The following NF1 variants were observed in gnomAD, a reference collection of about 807,000 sequenced individuals.
NF1 encodes the protein neurofibromin 1.
A neutral mutation model predicts 325.7 loss-of-function variants in NF1; 122 were observed. The ratio of observed to expected loss-of-function variants is 0.37; its 90% confidence interval spans 0.32 to 0.44. The LOEUF is 0.44. Among genes scored for constraint, NF1 ranks in the 20% least tolerant of loss-of-function variants. NF1 has a pLI of 1.00. For synonymous variants in NF1, 1,091 were observed against 1,186.0 expected, an observed-to-expected ratio of 0.92 and a Z score of 1.65; for missense variants, 2,140 against 3,415.4, an observed-to-expected ratio of 0.63 and a Z score of 9.31.
intron 3 of NF1, among the ~76,000 whole-genome samples, chr17:31,161,037 A>G (rs1409850589): frequency 6.6e-6 from 1 of 152,104 alleles, no homozygotes; most frequent in Admixed American, 6.6e-5. Flanking sequence ...CTTGATTCTT[A>G]CTTTTAAATC....
intron 15 of NF1, 196 bp downstream of exon 15, chr17:31,222,125 A>C: frequency 7.7e-7 from 1 of 1,290,754 alleles, no homozygotes; most frequent in Non-Finnish European, 9.8e-7. Context: ...GCAATTTAGA[A>C]AATAAATTTT....
At chr17:31,173,202 G>A (rs2065961106) in intron 5 of NF1, among the ~76,000 whole-genome samples, 1 of 152,044 alleles carries the variant, frequency 6.6e-6, no homozygotes, top group African/African-American at 2.4e-5. Flanking sequence ...GGATCACGAG[G>A]TCAGGAGACC....
intron 1 of NF1, among the ~76,000 whole-genome samples, chr17:31,136,067 C>T (rs539263092): frequency 2.7e-4 from 41 of 152,126 alleles, no homozygotes; most frequent in Non-Finnish European, 4.6e-4. Context: ...CGGTGGCTCA[C>T]GCCTGTAATC....
At chr17:31,351,517 A>G (rs1036910898) in intron 50 of NF1, among the ~76,000 whole-genome samples, 2 of 152,142 alleles carry the variant, frequency 1.3e-5, no homozygotes, top group African/African-American at 4.8e-5. Context: ...CCTGGGTTCA[A>G]GCGATTCTCC....
At chr17:31,266,037 A>G (rs1228384354) in intron 36 of NF1, among the ~76,000 whole-genome samples, 1 of 152,132 alleles carries the variant, frequency 6.6e-6, no homozygotes, top group Admixed American at 6.5e-5. Context: ...CCCATTTACC[A>G]TGACATACAT....
chr17:31,348,739 GT>G, intron 48 of NF1, among the ~76,000 whole-genome samples: 1 of 140,470 alleles, frequency 7.1e-6, no homozygotes, highest in African/African-American at 2.5e-5. Context: ...AAAAAAAAAT[GT>G]TTTTGTAAAA....
At chr17:31,180,627 A>G (rs1597657072) in intron 5 of NF1, among the ~76,000 whole-genome samples, 1 of 152,236 alleles carries the variant, frequency 6.6e-6, no homozygotes, top group African/African-American at 2.4e-5. Context: ...TGACAAACCC[A>G]CAGCCAATAT....
At chr17:31,199,339 A>G (rs1391683753) in intron 8 of NF1, among the ~76,000 whole-genome samples, 1 of 152,002 alleles carries the variant, frequency 6.6e-6, no homozygotes, top group Non-Finnish European at 1.5e-5. Context: ...CCTTTGATCT[A>G]TTAGTTAACA....
rs73988049 is a variant in NF1 at position 31,372,222 on chromosome 17, A to G, written c.8378-1791A>G. On this transcript the variant is annotated intron_variant, in intron 57 of 57. Coordinates refer to ENST00000358273, the MANE Select transcript of NF1 (RefSeq NM_001042492.3). ...TAGTCCTTTGGCTTCTGACAGAGAT[A>G]AAATATTTTGGCAGATGTTTACCCA... 8.3e-4 allele frequency among the ~76,000 whole-genome samples: 126 copies of G among 152,312 alleles called. 1 individual carries two copies. Among genetic ancestry groups the G allele is most frequent in the African/African-American group, 3.0e-3 (126 of 41,564 alleles).
chr17:31,350,345 A>G, intron 50 of NF1, 27 bp downstream of exon 50: 1 of 1,600,214 alleles, frequency 6.2e-7, no homozygotes, highest in Non-Finnish European at 8.6e-7. Context: ...TCCTATAATT[A>G]CATAATCATA....
At chr17:31,227,048 G>A (rs376467130) in intron 18 of NF1, among the ~76,000 whole-genome samples, 170 bp from the exon 19 acceptor site, 13 of 152,320 alleles carry the variant, frequency 8.5e-5, no homozygotes, top group African/African-American at 2.9e-4. Flanking sequence ...ACATTGTAGA[G>A]TCCAAGATAA....
chr17:31,272,422 C>T (rs1277017136), intron 36 of NF1: 1 of 152,088 alleles, frequency 6.6e-6, no homozygotes, highest in African/African-American at 2.4e-5. Context: ...GATTTGAGGT[C>T]ATTTTGAGAT....
intron 36 of NF1, chr17:31,304,950 G>C: frequency 6.2e-7 from 1 of 1,614,100 alleles, no homozygotes; most frequent in Non-Finnish European, 8.5e-7. Flanking sequence ...GTACAATGAT[G>C]ATTATAGCTA....
At chr17:31,286,401 T>C (rs758111879) in intron 36 of NF1, among the ~76,000 whole-genome samples, 3 of 152,196 alleles carry the variant, frequency 2.0e-5, no homozygotes, top group Admixed American at 6.5e-5. Flanking sequence ...TTTTAATATG[T>C]TTTAAAGAGA....
At chr17:31,226,141 C>T (rs2067008228) in intron 17 of NF1, among the ~76,000 whole-genome samples, 1 of 152,072 alleles carries the variant, frequency 6.6e-6, no homozygotes, top group Admixed American at 6.6e-5. Flanking sequence ...ATGTTAGAAT[C>T]AGTTTACATT....
intron 36 of NF1, chr17:31,304,626 A>G: frequency 2.5e-6 from 4 of 1,614,196 alleles, no homozygotes; most frequent in Non-Finnish European, 3.4e-6. Flanking sequence ...AAGAAACAGC[A>G]GTTCCAACTG....
At position 31,330,404 on chromosome 17, in the gene NF1, C is replaced by T; in HGVS notation, c.5718C>T (p.Leu1906=). 6.2e-7 allele frequency: 1 copy of T among 1,613,848 alleles called. No homozygotes were observed. The highest frequency in any genetic ancestry group is 8.5e-7 in the Non-Finnish European group (1 of 1,179,798). Residue 1906 remains leucine (L), a synonymous_variant, in exon 39 of 58, where the codon CTC becomes CTT. Coordinates refer to ENST00000358273, the MANE Select transcript of NF1 (RefSeq NM_001042492.3). ...TATGTATCCCTGCCAACAACACCCT[C>T]TTTATTGTCTCTATTAGTAAGACAC... ...SGLCIPANNT[L]FIVSISKTLA...
At chr17:31,233,900 T>A (rs2067156524) in intron 27 of NF1, among the ~76,000 whole-genome samples, 1 of 152,282 alleles carries the variant, frequency 6.6e-6, no homozygotes, top group Admixed American at 6.5e-5. Context: ...AAAGTAAAAT[T>A]CAAACTCCTT....
chr17:31,371,180 T>C (rs1482490199), intron 57 of NF1, among the ~76,000 whole-genome samples: 1 of 152,172 alleles, frequency 6.6e-6, no homozygotes, highest in East Asian at 1.9e-4. Context: ...TTTCAATGTA[T>C]TGAAAAAATA....
Sources: gnomAD v4.1 joint callset for allele counts (sites outside exome capture counted in the v4.1 genomes callset) on GRCh38, gnomAD v4.1.1 for gene constraint, MANE v1.5 for transcripts, NCBI Gene and HGNC (gene_info 2026-07-23, HGNC 2026-07-21) for gene names.